Variants in SPATA4 observed in about 807,000 individuals in gnomAD.
The protein encoded by SPATA4 is spermatogenesis-associated protein 4.
Under a neutral mutation model 31.8 loss-of-function variants are expected in SPATA4, and 35 were observed. That is an observed-to-expected ratio of 1.10 (90% CI 0.84 to 1.46). The LOEUF (loss-of-function observed/expected upper bound fraction) is 1.46. SPATA4 is among the 40% of genes most tolerant of loss of function. The probability of loss-of-function intolerance (pLI) is 0.00; values close to 1 mark genes in which losing one functional copy is unlikely to be tolerated. For synonymous variants in SPATA4, 126 were observed against 132.4 expected, an observed-to-expected ratio of 0.95 and a Z score of 0.33; for missense variants, 394 against 363.1, an observed-to-expected ratio of 1.09 and a Z score of -0.69.
chr4:176,185,750 T>G (rs1247281453), intron 5 of SPATA4, among the ~76,000 whole-genome samples: 4 of 152,196 alleles, frequency 2.6e-5, no homozygotes, highest in African/African-American at 7.2e-5. Context: ...TGAATCCACA[T>G]CATTCATTAA....
At chr4:176,191,223 G>A (rs553471340) in intron 4 of SPATA4, among the ~76,000 whole-genome samples, 1 of 151,744 alleles carries the variant, frequency 6.6e-6, no homozygotes, top group South Asian at 2.1e-4. Flanking sequence ...AGCCTCCCCA[G>A]TAGCTGGGAT....
chr4:176,188,944 G>GA (rs1752486849), intron 4 of SPATA4, among the ~76,000 whole-genome samples: 1 of 152,140 alleles, frequency 6.6e-6, no homozygotes, highest in South Asian at 2.1e-4. Context: ...AACACTGCCA[G>GA]AACTATAGTT....
At chr4:176,194,577 T>C (rs1180982531) in intron 1 of SPATA4, 1 of 152,214 alleles carries the variant, frequency 6.6e-6, no homozygotes, top group Admixed American at 6.5e-5. Context: ...TGCCTTTTTA[T>C]AGAATTTAGT....
At chr4:176,191,521 T>G (rs1752533157) in intron 4 of SPATA4, among the ~76,000 whole-genome samples, 1 of 152,254 alleles carries the variant, frequency 6.6e-6, no homozygotes, top group African/African-American at 2.4e-5. Context: ...GTTCTATTTC[T>G]TAACCTGTGT....
chr4:176,189,319 C>T (rs924958749), intron 4 of SPATA4, among the ~76,000 whole-genome samples: 1 of 151,726 alleles, frequency 6.6e-6, no homozygotes, highest in Non-Finnish European at 1.5e-5. Context: ...GATAAATATG[C>T]ATGCTAAAAT....
intron 4 of SPATA4, among the ~76,000 whole-genome samples, chr4:176,188,847 A>C (rs1389906883): frequency 2.6e-5 from 4 of 152,292 alleles, no homozygotes; most frequent in Admixed American, 2.0e-4. Context: ...TCTGCAACTC[A>C]TCCTTCACTG....
In SPATA4 at chr4:176,195,475, C is replaced by A. The variant is rs770385604; in HGVS notation, c.88G>T (p.Ala30Ser). 3.7e-6 allele frequency: 6 copies of A among 1,614,266 alleles called. 1 individual carries two copies. In the South Asian group the frequency reaches 4.4e-5, roughly 12 times the overall value. Residue 30 changes from alanine (A) to serine (S), a missense_variant, in exon 1 of 6, where the codon GCT becomes TCT. Physicochemically the swap from Ala to Ser is moderately conservative, Grantham distance 99. Transcript: ENST00000280191. ...TTCTTAGGCCTCCCTCGGATGGGAG[C>A]TGCTAGCTGTGGCGAAAGTGACGGT... ...KSPSLSPQLA[A>S]PIRGRPKKCL... is the part of the protein sequence containing the mutation.
In SPATA4 at chr4:176,192,761, G is replaced by T; in HGVS notation, c.554C>A (p.Ser185Ter). ...RLPLVSRSTVSKSIKDNIRLS... is the reference protein window; with the variant it reads ...RLPLVSRSTV ...CCTAATGTTATCTTTAATAGACTTC[G>T]AAACTGTAGACCTGGAAACCAGGGG... The change falls in exon 4 of 6, where the codon TCG (serine) becomes TAG (stop). Residue 185 changes from serine to a stop codon, truncating the protein, a stop_gained. Coordinates refer to ENST00000280191, the MANE Select transcript of SPATA4 (RefSeq NM_144644.4). LOFTEE classifies it high-confidence loss of function. 2 of 1,614,058 alleles carry T rather than the reference G, an allele frequency of 1.2e-6. No homozygotes were observed.
chr4:176,195,417 G>A lies in SPATA4; in HGVS notation c.146C>T (p.Ser49Phe). ...CLVYPHAPKS[S>F]RLSRSVLRWL... ...ACGCAGAACGGAACGAGACAAGCGG[G>A]AGCTCTTCGGCGCATGCGGATAGAC... Residue 49 changes from serine (S) to phenylalanine (F), a missense_variant, in exon 1 of 6, where the codon TCC becomes TTC. Transcript: ENST00000280191. The A allele has an allele frequency of 6.2e-7, 1 of 1,614,254 alleles. No homozygotes were observed. Among genetic ancestry groups the A allele is most frequent in the Non-Finnish European group, 8.5e-7 (1 of 1,180,034 alleles).
intron 5 of SPATA4, among the ~76,000 whole-genome samples, chr4:176,186,909 G>A (rs779919896): frequency 8.6e-5 from 13 of 151,928 alleles, no homozygotes; most frequent in Non-Finnish European, 8.8e-5. Context: ...TATCCCCGGC[G>A]AAATCCCTCA....
At chr4:176,185,399 G>A (rs1296717191) in intron 5 of SPATA4, among the ~76,000 whole-genome samples, 3 of 152,072 alleles carry the variant, frequency 2.0e-5, no homozygotes, top group Non-Finnish European at 4.4e-5. Flanking sequence ...CTAAATTTTG[G>A]TGAACAAGTA....
At chr4:176,189,924 G>A (rs964990406) in intron 4 of SPATA4, among the ~76,000 whole-genome samples, 1 of 152,178 alleles carries the variant, frequency 6.6e-6, no homozygotes, top group South Asian at 2.1e-4. Context: ...CTCTCTGAGT[G>A]AGCAATTCCT....
intron 4 of SPATA4, among the ~76,000 whole-genome samples, chr4:176,190,914 AG>A (rs979296633): frequency 2.0e-5 from 3 of 152,094 alleles, no homozygotes; most frequent in African/African-American, 7.2e-5. Context: ...GCAGATGTAA[AG>A]TATCATATTC....
chr4:176,192,884 A>G, intron 3 of SPATA4, 37 bp from the exon 4 acceptor site: 1 of 1,597,548 alleles, frequency 6.3e-7, no homozygotes, highest in South Asian at 1.1e-5. Flanking sequence ...GACAAGCAAC[A>G]TTTTAGCAAT....
intron 4 of SPATA4, among the ~76,000 whole-genome samples, chr4:176,190,133 T>C (rs1353655508): frequency 6.6e-6 from 1 of 152,164 alleles, no homozygotes. Context: ...CAGGTGTCGA[T>C]CTTTAACTAC....
Position 176,184,587 on chromosome 4 carries a change from T to G in SPATA4, c.*193A>C. Reference sequence around the variant, plus strand: ...CATTCTGTACTAATTTATTTAATTTTGTATTTTCAACAATGCCTGGCATAG... The same window carrying G: ...CATTCTGTACTAATTTATTTAATTTGGTATTTTCAACAATGCCTGGCATAG... On this transcript the variant is annotated 3_prime_UTR_variant, in exon 6 of 6. Transcript: ENST00000280191. 5.2e-6 allele frequency: 2 copies of G among 383,724 alleles called. No individual in the cohort carries two copies. The highest frequency in any genetic ancestry group is 9.3e-6 in the Non-Finnish European group (2 of 215,448). The allele number at this position is 383,724 out of a possible 1,614,324, so 23.8% of individuals were successfully genotyped here.
At chr4:176,194,722 A>ATTTTTTT (rs56999786) in intron 1 of SPATA4, 1 of 100,318 alleles carries the variant, frequency 1.0e-5, no homozygotes. Context: ...CCTTACCAGT[A>ATTTTTTT]TTTTTTTTTT....
At chr4:176,186,402 CCCT>C (rs1327443359) in intron 5 of SPATA4, among the ~76,000 whole-genome samples, 5 of 152,308 alleles carry the variant, frequency 3.3e-5, no homozygotes, top group East Asian at 3.9e-4. Context: ...CCTCCTGATC[CCCT>C]CCTCCTATGC....
chr4:176,193,106 C>T (rs752120484), intron 2 of SPATA4, 30 bp from the exon 3 acceptor site: 1 of 1,358,738 alleles, frequency 7.4e-7, no homozygotes, highest in South Asian at 1.3e-5. Flanking sequence ...ATGTTTTTAT[C>T]ATAAGAACTT....
Sources: gnomAD v4.1 joint callset for allele counts (sites outside exome capture counted in the v4.1 genomes callset) on GRCh38, gnomAD v4.1.1 for gene constraint, MANE v1.5 for transcripts, NCBI Gene and HGNC (gene_info 2026-07-23, HGNC 2026-07-21) for gene names.